The following GON4L variants were observed in gnomAD, a reference collection of about 807,000 sequenced individuals.
GON4L encodes GON-4-like protein.
A neutral mutation model predicts 211.8 loss-of-function variants in GON4L; 87 were observed. The observed-to-expected ratio is 0.41, with a 90% confidence interval of 0.35 to 0.49. GON4L has a LOEUF of 0.49. GON4L is among the 20% of genes least tolerant of loss of function. The pLI, the probability that GON4L is intolerant of heterozygous loss-of-function variation, is 0.15. For synonymous variants in GON4L, 875 were observed against 962.6 expected (o/e 0.91, Z 1.68); for missense variants, 2,155 against 2,659.5 (o/e 0.81, Z 4.17).
chr1:155,810,241 G>A (rs113019059), intron 10 of GON4L, among the ~76,000 whole-genome samples: 9,875 of 150,924 alleles, frequency 0.065, 399 homozygotes, highest in African/African-American at 0.11. Context: ...TGATCCACCC[G>A]CCTGGGCCTC....
intron 23 of GON4L, among the ~76,000 whole-genome samples, chr1:155,761,488 G>C (rs945333311): frequency 4.0e-5 from 6 of 150,346 alleles, no homozygotes; most frequent in Non-Finnish European, 7.4e-5. Flanking sequence ...ACAGCGCCCA[G>C]CCTGGTTCAT....
intron 14 of GON4L, among the ~76,000 whole-genome samples, chr1:155,779,584 G>A (rs556001559): frequency 6.6e-6 from 1 of 152,142 alleles, no homozygotes; most frequent in African/African-American, 2.4e-5. Context: ...CAAAGTGCTG[G>A]AATCAGGCGT....
At chr1:155,810,120 C>T (rs1286383031) in intron 10 of GON4L, among the ~76,000 whole-genome samples, 1 of 150,252 alleles carries the variant, frequency 6.7e-6, no homozygotes, top group Non-Finnish European at 1.5e-5. Flanking sequence ...CGCAGCCTCC[C>T]GAGTAGCTGG....
intron 15 of GON4L, among the ~76,000 whole-genome samples, chr1:155,777,270 G>T (rs934115470): frequency 2.6e-5 from 4 of 152,168 alleles, no homozygotes; most frequent in Admixed American, 2.0e-4. Context: ...TGGCCTCAGA[G>T]TTAGGCCTTG....
rs1661661208 is a variant in GON4L, at chr1:155,760,331, G to T, written c.5109+113C>A. On this transcript the variant is annotated intron_variant, in intron 24 of 31. Coordinates refer to ENST00000368331, the MANE Select transcript of GON4L (RefSeq NM_001282860.2). The stretch of plus-strand genomic sequence containing the variant: ...TTTTATCACTCTGGGCTAGGGGATG[G>T]CTGTGTGTCTGGAAGGAGCTGGGAG... 4 of 653,992 alleles carry T rather than the reference G, an allele frequency of 6.1e-6. 1 individual carries two copies. In the East Asian group the frequency reaches 7.9e-5, roughly 13 times the overall value. The allele number at this position is 653,992 out of a possible 1,614,324, so 40.5% of individuals were successfully genotyped here. A position where few individuals can be genotyped will look rare whatever the true frequency, so the allele number is the denominator to read the frequency against.
intron 2 of GON4L, among the ~76,000 whole-genome samples, chr1:155,837,996 G>A (rs923336631): frequency 1.3e-5 from 2 of 152,094 alleles, no homozygotes; most frequent in Non-Finnish European, 2.9e-5. Flanking sequence ...GGGTGCTGTC[G>A]CTCACACCTC....
At chr1:155,828,323 T>TA (rs1669410919) in intron 2 of GON4L, among the ~76,000 whole-genome samples, 1 of 150,870 alleles carries the variant, frequency 6.6e-6, no homozygotes, top group African/African-American at 2.4e-5. Flanking sequence ...ACCTCGGCTG[T>TA]AAAAAAAGAA....
Position 155,749,903 on chromosome 1 carries a change from T to C in GON4L, c.*681A>G, listed in dbSNP as rs1571597543. The stretch of plus-strand genomic sequence containing the variant: ...GAATAATCATCCATCTACAGGTCTC[T>C]GTTTCCTCTCCCTCCACAGCAGTGG... On this transcript the variant is annotated 3_prime_UTR_variant, in exon 32 of 32. Transcript: ENST00000368331. The C allele has an allele frequency of 8.2e-6, 13 of 1,587,280 alleles. No individual in the cohort carries two copies. The highest frequency in any genetic ancestry group is 5.5e-5 in the African/African-American group (4 of 72,918).
intron 1 of GON4L, among the ~76,000 whole-genome samples, chr1:155,855,906 C>T (rs822494): frequency 0.54 from 79,696 of 147,754 alleles, 23,391 homozygotes; most frequent in Middle Eastern, 0.7. Flanking sequence ...CGCTTGAACC[C>T]GGGAGGTGGA....
intron 12 of GON4L, among the ~76,000 whole-genome samples, chr1:155,789,366 T>G (rs1031823751): frequency 1.1e-4 from 17 of 152,210 alleles, no homozygotes; most frequent in African/African-American, 4.1e-4. Context: ...AAGTATAGGC[T>G]CATGCCTGTA....
intron 14 of GON4L, among the ~76,000 whole-genome samples, chr1:155,781,142 TTAC>T (rs1664379214): frequency 6.6e-6 from 1 of 151,446 alleles, no homozygotes; most frequent in African/African-American, 2.4e-5. Context: ...ATTATTATTA[TTAC>T]TATTATTTTT....
rs1314167961 is a variant in GON4L at position 155,752,558 on chromosome 1, G to C, written c.5875C>G (p.Pro1959Ala). 3 of 1,597,164 alleles carry C rather than the reference G, an allele frequency of 1.9e-6. No individual in the cohort carries two copies. Among genetic ancestry groups the C allele is most frequent in the African/African-American group, 2.7e-5 (2 of 74,734 alleles). The change falls in exon 30 of 32, where the codon CCT becomes GCT. Residue 1959 changes from proline (P) to alanine (A), a missense_variant. By Grantham distance (27) the Pro-to-Ala change is conservative. Coordinates refer to ENST00000368331, the MANE Select transcript of GON4L (RefSeq NM_001282860.2). Reference protein sequence around the residue: ...GLAVGSTLPSPREVTVTERLL... With the variant: ...GLAVGSTLPSAREVTVTERLL... ...CGTTCTGTAACAGTCACTTCTCGAGGGGATGGCAAAGTGCTCCCCACTGCC... is the reference window on the plus strand; with the variant it reads ...CGTTCTGTAACAGTCACTTCTCGAGCGGATGGCAAAGTGCTCCCCACTGCC...
chr1:155,765,896 G>C lies in GON4L; in HGVS notation c.3577C>G (p.Pro1193Ala), dbSNP rs780658063. 2.5e-6 allele frequency: 4 copies of C among 1,614,170 alleles called. No individual in the cohort carries two copies. Among genetic ancestry groups the C allele is most frequent in the Non-Finnish European group, 3.4e-6 (4 of 1,180,034 alleles). ...LLVNPTSFPC[P>A]LNQSLVASSV... ...GAGGCCACAAGGGACTGGTTCAATG[G>C]ACAGGGGAAGGAAGTAGGGTTAACC... The change falls in exon 21 of 32, where the codon CCA becomes GCA. Residue 1193 changes from proline to alanine, a missense_variant. Pro to Ala is a conservative substitution (Grantham distance 27). Transcript: ENST00000368331.
intron 2 of GON4L, among the ~76,000 whole-genome samples, chr1:155,837,052 A>G (rs1170162131): frequency 6.6e-6 from 1 of 152,136 alleles, no homozygotes; most frequent in Non-Finnish European, 1.5e-5. Flanking sequence ...GCCAATGTCT[A>G]GATACTCCAG....
At chr1:155,788,620 T>C (rs1177075050) in intron 12 of GON4L, among the ~76,000 whole-genome samples, 1 of 152,072 alleles carries the variant, frequency 6.6e-6, no homozygotes, top group Admixed American at 6.6e-5. Context: ...AGATAATCTG[T>C]AGTATATATA....
chr1:155,856,395 CTTT>C (rs1420940336), intron 1 of GON4L, among the ~76,000 whole-genome samples: 4 of 148,816 alleles, frequency 2.7e-5, no homozygotes, highest in African/African-American at 1.0e-4. Context: ...CCCTCAACGA[CTTT>C]TTTTCTTTTT....
intron 12 of GON4L, 76 bp downstream of exon 12, chr1:155,794,974 C>T: frequency 1.2e-6 from 1 of 847,368 alleles, no homozygotes; most frequent in Non-Finnish European, 2.1e-6. Flanking sequence ...CAAACTTCAC[C>T]CCTAAAAATC....
chr1:155,768,108 G>C (rs1379245467), intron 19 of GON4L, among the ~76,000 whole-genome samples: 4 of 152,060 alleles, frequency 2.6e-5, no homozygotes, highest in African/African-American at 9.7e-5. Flanking sequence ...TTCAAGACCA[G>C]ACTGGCCAAC....
intron 11 of GON4L, among the ~76,000 whole-genome samples, chr1:155,798,049 C>A (rs1666249985): frequency 1.3e-5 from 2 of 150,722 alleles, no homozygotes; most frequent in Non-Finnish European, 3.0e-5. Context: ...CCACTGCACT[C>A]CAGCGAGGGT....
Sources: allele counts gnomAD v4.1 joint callset (sites outside exome capture counted in the v4.1 genomes callset), GRCh38; gene constraint gnomAD v4.1.1; transcripts MANE v1.5; gene names NCBI Gene and HGNC (gene_info 2026-07-23, HGNC 2026-07-21).